The following HSD11B1L variants were observed in gnomAD, a reference collection of about 807,000 sequenced individuals.
The protein encoded by HSD11B1L is hydroxysteroid 11-beta dehydrogenase 1 like.
Under a neutral mutation model 27.0 loss-of-function variants are expected in HSD11B1L, and 22 were observed. The ratio of observed to expected loss-of-function variants is 0.81; its 90% CI spans 0.58 to 1.16. HSD11B1L has a LOEUF of 1.16. HSD11B1L is among the 50% of genes most tolerant of loss of function. The pLI, the probability that HSD11B1L is intolerant of heterozygous loss-of-function variation, is 0.00. For synonymous variants in HSD11B1L, 187 were observed against 189.2 expected, an observed-to-expected ratio of 0.99 and a Z score of 0.09; for missense variants, 372 against 401.8, an observed-to-expected ratio of 0.93 and a Z score of 0.63.
At position 5,687,901 on chromosome 19, in the gene HSD11B1L, T is replaced by G. The variant is rs921587475; in HGVS notation, c.817T>G (p.Trp273Gly). Reference sequence around the variant, plus strand: ...GCGCTGGCTACCGCGCCCGCGGGCCTGGTTTATCCGCCAGGAGCTCAACGT... The same window carrying G: ...GCGCTGGCTACCGCGCCCGCGGGCCGGGTTTATCCGCCAGGAGCTCAACGT... ...LRRWLPRPRA[W>G]FIRQELNVTA... is the part of the protein sequence containing the mutation. Residue 273 changes from tryptophan (W) to glycine (G), a missense_variant, in exon 8 of 8, where the codon TGG becomes GGG. Coordinates refer to ENST00000339423, the MANE Select transcript of HSD11B1L (RefSeq NM_198706.3). This position sits in a 1 kb window ranked among gnomAD's most constrained non-coding sequence, Gnocchi z 6.6. 7 of 1,576,616 alleles carry G rather than the reference T, an allele frequency of 4.4e-6. No individual in the cohort carries two copies. Among genetic ancestry groups the G allele is most frequent in the Non-Finnish European group, 6.0e-6 (7 of 1,161,224 alleles).
Position 5,688,194 on chromosome 19 carries a change from G to T in HSD11B1L, c.*249G>T. On this transcript the variant is annotated 3_prime_UTR_variant, in exon 8 of 8. Coordinates refer to ENST00000339423, the MANE Select transcript of HSD11B1L (RefSeq NM_198706.3). ...AGGCCTCACCTGTTTGGCCATGATT[G>T]ATGACGTGACTGCTTCCATTTTGCA... 1 of 1,546,782 alleles carries T rather than the reference G, an allele frequency of 6.5e-7. No individual in the cohort carries two copies. The highest frequency in any genetic ancestry group is 1.2e-5 in the South Asian group (1 of 83,902).
In HSD11B1L at chr19:5,685,915, C is replaced by A. The variant is rs888004492; in HGVS notation, c.205-501C>A. Among the ~76,000 whole-genome samples the A allele has an allele frequency of 6.6e-6, 1 of 152,072 alleles. No homozygotes were observed. The highest frequency in any genetic ancestry group is 1.5e-5 in the Non-Finnish European group (1 of 68,022). On this transcript the variant is annotated intron_variant, in intron 3 of 7. Coordinates refer to ENST00000339423, the MANE Select transcript of HSD11B1L (RefSeq NM_198706.3). The surrounding 1 kb of genome is among the most constrained non-coding windows in gnomAD (Gnocchi z 4.3). ...TGAGACTCTGTCTCAAACAAACAAA[C>A]AAAAAAACCCACCTTCTCATGGGTT... is the stretch of plus-strand genomic sequence containing the variant.
chr19:5,687,797 T>C lies in HSD11B1L; in HGVS notation c.713T>C (p.Leu238Pro). Residue 238 changes from leucine (L) to proline (P), a missense_variant, in exon 8 of 8, where the codon CTG becomes CCG. By Grantham distance (98) the Leu-to-Pro change is moderately conservative (BLOSUM62 -3). Transcript: ENST00000339423. This position sits in a 1 kb window ranked among gnomAD's most constrained non-coding sequence, Gnocchi z 6.6. ...GCGGCCCCGGGGCCCAAGGCAGCCC[T>C]GGCCGTGATCCGCGGCGGCGCCACG... ...VKAAPGPKAA[L>P]AVIRGGATRA... 1 of 1,512,678 alleles carries C rather than the reference T, an allele frequency of 6.6e-7. No homozygotes were observed. The highest frequency in any genetic ancestry group is 1.3e-5 in the South Asian group (1 of 77,962). The allele number at this position is 1,512,678 out of a possible 1,614,324, so 93.7% of individuals were successfully genotyped here.
In HSD11B1L at chr19:5,688,158, G is replaced by C; in HGVS notation, c.*213G>C. 6.4e-7 allele frequency: 1 copy of C among 1,550,780 alleles called. No homozygotes were observed. Among genetic ancestry groups the C allele is most frequent in the Non-Finnish European group, 8.7e-7 (1 of 1,146,930 alleles). On this transcript the variant is annotated 3_prime_UTR_variant, in exon 8 of 8. Coordinates refer to ENST00000339423, the MANE Select transcript of HSD11B1L (RefSeq NM_198706.3). ...GTGCCCCGTGTTAGGCGCCTTTGTCGGGGACTTGCAAGGCCTCACCTGTTT... is the reference window on the plus strand; with the variant it reads ...GTGCCCCGTGTTAGGCGCCTTTGTCCGGGACTTGCAAGGCCTCACCTGTTT...
At position 5,681,280 on chromosome 19, in the gene HSD11B1L, A is replaced by G. The variant is rs2054536800; in HGVS notation, c.-15+9A>G. Reference sequence around the variant, plus strand: ...AACTGAGGCCTGAGCGGGTGAGTGCACGGTTTAGGGGTGCGCAGAGGGTCA... The same window carrying G: ...AACTGAGGCCTGAGCGGGTGAGTGCGCGGTTTAGGGGTGCGCAGAGGGTCA... On this transcript the variant is annotated intron_variant, in intron 1 of 7. Transcript: ENST00000339423. The G allele has an allele frequency of 6.6e-6, 1 of 152,490 alleles. No individual in the cohort carries two copies. The highest frequency in any genetic ancestry group is 1.5e-5 in the Non-Finnish European group (1 of 68,202). The allele number at this position is 152,490 out of a possible 1,614,324, so 9.4% of individuals were successfully genotyped here.
rs749594957 is a variant in HSD11B1L, at chr19:5,684,786, T to C, written c.-14-33T>C. The C allele has an allele frequency of 1.2e-5, 19 of 1,612,922 alleles. No homozygotes were observed. In the South Asian group the frequency reaches 1.9e-4, roughly 16 times the overall value. ...CACGGGTGGCTGTGGGCCAGGCCTG[T>C]GCCGGCCACCTCTGTCCCCTGTCCC... On this transcript the variant is annotated intron_variant, in intron 1 of 7. Transcript: ENST00000339423.
chr19:5,685,298 C>A lies in HSD11B1L; in HGVS notation c.204+179C>A. ...CGGGGACAATAAAACCACTTTCTGG[C>A]CAGGCACGGTGGCTCACGCTTGTAG... On this transcript the variant is annotated intron_variant, in intron 3 of 7. Transcript: ENST00000339423. This position sits in a 1 kb window ranked among gnomAD's most constrained non-coding sequence, Gnocchi z 4.3. 1 of 850,624 alleles carries A rather than the reference C, an allele frequency of 1.2e-6. No homozygotes were observed. The highest frequency in any genetic ancestry group is 1.9e-6 in the Non-Finnish European group (1 of 522,270). The allele number at this position is 850,624 out of a possible 1,614,324, so 52.7% of individuals were successfully genotyped here.
In HSD11B1L at chr19:5,687,008, C is replaced by T. The variant is rs1373016359; in HGVS notation, c.408+17C>T. The stretch of plus-strand genomic sequence containing the variant: ...CTCATGCAGGTGCTCCGCTCCTCCG[C>T]GGCCCCGGCCCGCCCCTCTATCTCA... On this transcript the variant is annotated intron_variant, in intron 5 of 7. Transcript: ENST00000339423. The surrounding 1 kb of genome is among the most constrained non-coding windows in gnomAD (Gnocchi z 6.6). 2.0e-6 allele frequency: 3 copies of T among 1,530,718 alleles called. No homozygotes were observed. The highest frequency in any genetic ancestry group is 1.2e-5 in the South Asian group (1 of 83,558). 94.8% of individuals were successfully genotyped at this position (1,530,718 alleles called of 1,614,324 possible). A position where few individuals can be genotyped will look rare whatever the true frequency, so the allele number is the denominator to read the frequency against.
chr19:5,687,591 C>T lies in HSD11B1L; in HGVS notation c.591C>T (p.Asp197=). ...TCGGCTCCCTGCGGCGGGAGCTGGA[C>T]GTGCAGGACGTGAACGTGGCCATCA... is the stretch of plus-strand genomic sequence containing the variant. ...GFFGSLRREL[D]VQDVNVAITM... is the part of the protein sequence containing the mutation. Residue 197 remains aspartate, a synonymous_variant, in exon 7 of 8, where the codon GAC becomes GAT. Transcript: ENST00000339423. This position sits in a 1 kb window ranked among gnomAD's most constrained non-coding sequence, Gnocchi z 6.6. 1.3e-6 allele frequency: 2 copies of T among 1,598,228 alleles called. No individual in the cohort carries two copies. Among genetic ancestry groups the T allele is most frequent in the Non-Finnish European group, 8.5e-7 (1 of 1,178,694 alleles).
Position 5,688,122 on chromosome 19 carries a change from G to C in HSD11B1L, c.*177G>C, listed in dbSNP as rs1599432636. On this transcript the variant is annotated 3_prime_UTR_variant, in exon 8 of 8. Transcript: ENST00000339423. The stretch of plus-strand genomic sequence containing the variant: ...GGGCACCTGGAACCAGTCACGGCTT[G>C]GGAGGTGCAGGTGCCCCGTGTTAGG... The C allele has an allele frequency of 6.4e-7, 1 of 1,551,174 alleles. No homozygotes were observed. The highest frequency in any genetic ancestry group is 1.4e-5 in the African/African-American group (1 of 73,056).
chr19:5,686,333 GCC>G, intron 3 of HSD11B1L, 81 bp from the exon 4 acceptor site: 1 of 917,910 alleles, frequency 1.1e-6, no homozygotes, highest in Non-Finnish European at 1.6e-6. Context: ...TCAGGCGGGG[GCC>G]TCCCTATGGC....
Position 5,686,930 on chromosome 19 carries a change from T to C in HSD11B1L, c.347T>C (p.Ile116Thr), listed in dbSNP as rs1258381848. The change falls in exon 5 of 8, where the codon ATC (isoleucine) becomes ACC (threonine). Residue 116 changes from isoleucine (I) to threonine (T), a missense_variant. Ile to Thr is a moderately conservative substitution (Grantham distance 89). Coordinates refer to ENST00000339423, the MANE Select transcript of HSD11B1L (RefSeq NM_198706.3). ...CTGGACTACCTCGTGCTGAACCACA[T>C]CGGCGGCGCCCCGGCCGGCACGCGA... ...GGLDYLVLNH[I>T]GGAPAGTRAR... 5.2e-6 allele frequency: 8 copies of C among 1,553,150 alleles called. No homozygotes were observed. Among genetic ancestry groups the C allele is most frequent in the Non-Finnish European group, 7.0e-6 (8 of 1,149,380 alleles).
rs1328846627 is a variant in HSD11B1L at position 5,688,043 on chromosome 19, C to T, written c.*98C>T. ...CACAGAGACACCCCTGAGAGGGTGGCCACAGCCCAAGATGAAGTCATCAAG... is the reference window on the plus strand; with the variant it reads ...CACAGAGACACCCCTGAGAGGGTGGTCACAGCCCAAGATGAAGTCATCAAG... On this transcript the variant is annotated 3_prime_UTR_variant, in exon 8 of 8. Coordinates refer to ENST00000339423, the MANE Select transcript of HSD11B1L (RefSeq NM_198706.3). 2 of 1,551,436 alleles carry T rather than the reference C, an allele frequency of 1.3e-6. No homozygotes were observed. The highest frequency in any genetic ancestry group is 1.7e-6 in the Non-Finnish European group (2 of 1,147,012).
intron 1 of HSD11B1L, among the ~76,000 whole-genome samples, chr19:5,681,616 A>G (rs373335419): frequency 2.0e-5 from 3 of 149,792 alleles, no homozygotes; most frequent in South Asian, 4.2e-4. Context: ...CCACTCATCT[A>G]TCCGTCCATC....
In HSD11B1L at chr19:5,685,338, G is replaced by A. The variant is rs1367904546; in HGVS notation, c.204+219G>A. The A allele has an allele frequency of 2.9e-6, 2 of 701,026 alleles. No individual in the cohort carries two copies. Among genetic ancestry groups the A allele is most frequent in the Non-Finnish European group, 2.5e-6 (1 of 392,496 alleles). 43.4% of individuals were successfully genotyped at this position (701,026 alleles called of 1,614,324 possible). Reference sequence around the variant, plus strand: ...CACGCTTGTAGTCAGCACTTTGGGAGGCCGAGGAAAGTGGATCACCTGAGG... The same window carrying A: ...CACGCTTGTAGTCAGCACTTTGGGAAGCCGAGGAAAGTGGATCACCTGAGG... On this transcript the variant is annotated intron_variant, in intron 3 of 7. Coordinates refer to ENST00000339423, the MANE Select transcript of HSD11B1L (RefSeq NM_198706.3). The surrounding 1 kb of genome is among the most constrained non-coding windows in gnomAD (Gnocchi z 4.3).
chr19:5,684,932 G>C, intron 2 of HSD11B1L, 27 bp downstream of exon 2: 2 of 1,613,002 alleles, frequency 1.2e-6, no homozygotes, highest in Non-Finnish European at 1.7e-6. Flanking sequence ...GAGGGAGGGA[G>C]AAACCGGGCC....
At position 5,685,698 on chromosome 19, in the gene HSD11B1L, A is replaced by T. The variant is rs2054671407; in HGVS notation, c.204+579A>T. 3 of 158,228 alleles carry T rather than the reference A, an allele frequency of 1.9e-5. No homozygotes were observed. The South Asian group carries it at 5.0e-4, about 27-fold the overall frequency. The allele number at this position is 158,228 out of a possible 1,614,324, so 9.8% of individuals were successfully genotyped here. Reference sequence around the variant, plus strand: ...GGTTGCAGTGAGCTGAGATCGCGCCACTGCACTCCAGCCTGGGTGACAGAG... The same window carrying T: ...GGTTGCAGTGAGCTGAGATCGCGCCTCTGCACTCCAGCCTGGGTGACAGAG... On this transcript the variant is annotated intron_variant, in intron 3 of 7. Coordinates refer to ENST00000339423, the MANE Select transcript of HSD11B1L (RefSeq NM_198706.3). This position sits in a 1 kb window ranked among gnomAD's most constrained non-coding sequence, Gnocchi z 4.3.
In HSD11B1L at chr19:5,684,890, G is replaced by A. The variant is rs1045565158; in HGVS notation, c.58G>A (p.Asp20Asn). The change falls in exon 2 of 8, where the codon GAC (aspartate) becomes AAC (asparagine). Residue 20 changes from aspartate to asparagine, a missense_variant. Physicochemically the swap from Asp to Asn is conservative, Grantham distance 23. Coordinates refer to ENST00000339423, the MANE Select transcript of HSD11B1L (RefSeq NM_198706.3). ...CCTGTTCTTCGCCTATTATTGGGAT[G>A]ACAACTTCGACCCAGGTGAGCACCT... The part of the protein sequence containing the change: ...GALFFAYYWD[D>N]NFDPASLQGA... 3 of 1,613,750 alleles carry A rather than the reference G, an allele frequency of 1.9e-6. No homozygotes were observed. Among genetic ancestry groups the A allele is most frequent in the Non-Finnish European group, 2.5e-6 (3 of 1,179,998 alleles).
Position 5,687,053 on chromosome 19 carries a change from C to T in HSD11B1L, c.408+62C>T, listed in dbSNP as rs1354156529. On this transcript the variant is annotated intron_variant, in intron 5 of 7. Transcript: ENST00000339423. The surrounding 1 kb of genome is among the most constrained non-coding windows in gnomAD (Gnocchi z 6.6). ...ATCTCAGGGACCGGTGGTCCGTTCCCTTCGCGGTCCGGGTTCTGCCTTCTC... is the reference window on the plus strand; with the variant it reads ...ATCTCAGGGACCGGTGGTCCGTTCCTTTCGCGGTCCGGGTTCTGCCTTCTC... The T allele has an allele frequency of 7.1e-6, 10 of 1,410,644 alleles. No individual in the cohort carries two copies. The highest frequency in any genetic ancestry group is 1.4e-5 in the African/African-American group (1 of 70,432). 87.4% of individuals were successfully genotyped at this position (1,410,644 alleles called of 1,614,324 possible).
Sources: gnomAD v4.1 joint callset for allele counts (sites outside exome capture counted in the v4.1 genomes callset) on GRCh38, gnomAD v4.1.1 for gene constraint, Gnocchi (gnomAD v3.1) non-coding constraint, MANE v1.5 for transcripts, NCBI Gene and HGNC (gene_info 2026-07-23, HGNC 2026-07-21) for gene names.